The following PSMD11 variants were observed in gnomAD, a reference collection of about 807,000 sequenced individuals.
The protein encoded by PSMD11 is proteasome 26S subunit, non-ATPase 11, also known as 26S proteasome non-ATPase regulatory subunit 11.
PSMD11 carries 5 observed loss-of-function variants against 62.3 expected under a neutral mutation model. That is an observed-to-expected ratio of 0.08 (90% CI 0.04 to 0.17). The LOEUF is 0.17. Among genes scored for constraint, PSMD11 ranks in the 10% least tolerant of loss-of-function variants. The pLI, the probability that PSMD11 is intolerant of heterozygous loss-of-function variation, is 1.00. For missense variants in PSMD11, 310 were observed against 512.9 expected, an observed-to-expected ratio of 0.60 and a Z score of 3.82; for synonymous variants, 191 against 191.8, an observed-to-expected ratio of 1.00 and a Z score of 0.03.
intron 3 of PSMD11, among the ~76,000 whole-genome samples, chr17:32,462,310 T>C (rs1299413343): frequency 6.6e-6 from 1 of 152,250 alleles, no homozygotes; most frequent in Non-Finnish European, 1.5e-5. Context: ...TTATATTTCC[T>C]TTGCTAAGAC....
chr17:32,461,844 G>A lies in PSMD11; in HGVS notation c.319-2205G>A, dbSNP rs934279015. On this transcript the variant is annotated intron_variant, in intron 3 of 13. Transcript: ENST00000261712. ...TAGCTTGCTTTTATTTTAGTTTTTCGTTCTGTCTTATTTTTAGAAAATTTT... is the reference window on the plus strand; with the variant it reads ...TAGCTTGCTTTTATTTTAGTTTTTCATTCTGTCTTATTTTTAGAAAATTTT... Among the ~76,000 whole-genome samples the A allele has an allele frequency of 9.2e-5, 14 of 152,138 alleles. No individual in the cohort carries two copies. In the East Asian group the frequency reaches 2.3e-3, roughly 25 times the overall value.
rs200240721 is a variant in PSMD11, at chr17:32,480,151, C to T, written c.1080C>T (p.Asp360=). 1.0e-4 allele frequency: 165 copies of T among 1,613,468 alleles called. 2 individuals carry two copies. The South Asian group carries it at 1.6e-3, about 15-fold the overall frequency. Residue 360 remains aspartate (D), a synonymous_variant, in exon 12 of 14, where the codon GAC becomes GAT. Transcript: ENST00000261712. ...ATCATGTGCTTTGATTTTAGGCCGA[C>T]GTGGAAAGGAAATTATCACAGATGA... The part of the protein sequence containing the change: ...ISSLIKLSKA[D]VERKLSQMIL...
chr17:32,479,266 C>G lies in PSMD11; in HGVS notation c.928C>G (p.Arg310Gly). Residue 310 changes from arginine to glycine, a missense_variant, in exon 10 of 14, where the codon CGG becomes GGG. Physicochemically the swap from Arg to Gly is moderately radical, Grantham distance 125. Transcript: ENST00000261712. The part of the protein sequence containing the change: ...ADFEKALTDY[R>G]AELRDDPIIS... ...CCTTTGGCAGGCTCTGACAGATTAC[C>G]GGGCAGAGCTCCGGGATGACCCAAT... 6.2e-7 allele frequency: 1 copy of G among 1,613,992 alleles called. No homozygotes were observed. Among genetic ancestry groups the G allele is most frequent in the South Asian group, 1.1e-5 (1 of 91,060 alleles).
At position 32,481,661 on chromosome 17, in the gene PSMD11, C is replaced by T. The variant is rs1483028709; in HGVS notation, c.*909C>T. 1 of 152,238 alleles carries T rather than the reference C, an allele frequency of 6.6e-6. No homozygotes were observed. Among genetic ancestry groups the T allele is most frequent in the East Asian group, 1.9e-4 (1 of 5,192 alleles). The allele number at this position is 152,238 out of a possible 1,614,324, so 9.4% of individuals were successfully genotyped here. On this transcript the variant is annotated 3_prime_UTR_variant, in exon 14 of 14. Coordinates refer to ENST00000261712, the MANE Select transcript of PSMD11 (RefSeq NM_002815.4). ...GACCATCATGTCTCTCTGCCTTCCT[C>T]CTCTCCCCTCCAGGGGAGTCAGGCT...
At chr17:32,471,673 A>G (rs1454322779) in intron 6 of PSMD11, among the ~76,000 whole-genome samples, 1 of 152,182 alleles carries the variant, frequency 6.6e-6, no homozygotes, top group Non-Finnish European at 1.5e-5. Context: ...TGTGGCTCCA[A>G]AAGATAGCAG....
intron 3 of PSMD11, 30 bp from the exon 4 acceptor site, chr17:32,464,019 T>A: frequency 6.3e-7 from 1 of 1,594,504 alleles, no homozygotes; most frequent in Non-Finnish European, 8.6e-7. Context: ...GAGGACATAA[T>A]GTTGCATGTA....
At chr17:32,456,114 A>T (rs907349059) in intron 3 of PSMD11, among the ~76,000 whole-genome samples, 1 of 147,796 alleles carries the variant, frequency 6.8e-6, no homozygotes, top group Non-Finnish European at 1.5e-5. Context: ...ATTGCACTCC[A>T]GCCTGGGTGA....
chr17:32,464,922 G>A (rs573596924), intron 5 of PSMD11, among the ~76,000 whole-genome samples: 5 of 152,142 alleles, frequency 3.3e-5, no homozygotes, highest in Admixed American at 3.3e-4. Context: ...GTTTTTAAAG[G>A]CAAATGTTTG....
intron 1 of PSMD11, chr17:32,445,825 A>G (rs1405593295): frequency 6.6e-6 from 1 of 152,246 alleles, no homozygotes; most frequent in African/African-American, 2.4e-5. Context: ...CTAGAGAAGG[A>G]GAGGAAGTGG....
intron 5 of PSMD11, among the ~76,000 whole-genome samples, chr17:32,464,871 C>T (rs35225085): frequency 0.038 from 5,760 of 152,164 alleles, 137 homozygotes; most frequent in Non-Finnish European, 0.06. Context: ...AAAAGTGTAT[C>T]TATATTTTGC....
chr17:32,459,138 A>ATG (rs1555616133), intron 3 of PSMD11, among the ~76,000 whole-genome samples: 6 of 132,828 alleles, frequency 4.5e-5, no homozygotes, highest in African/African-American at 1.7e-4. Flanking sequence ...ATATATATAT[A>ATG]TGTATTTTTT....
At chr17:32,455,333 T>C (rs1476884515) in intron 3 of PSMD11, among the ~76,000 whole-genome samples, 2 of 152,228 alleles carry the variant, frequency 1.3e-5, no homozygotes, top group East Asian at 1.9e-4. Flanking sequence ...ATTGAGTGCC[T>C]GCTACGTGTT....
At chr17:32,462,758 C>A (rs1907878480) in intron 3 of PSMD11, among the ~76,000 whole-genome samples, 1 of 152,106 alleles carries the variant, frequency 6.6e-6, no homozygotes, top group African/African-American at 2.4e-5. Context: ...GCGATCTCGG[C>A]TCACCGCAAC....
At chr17:32,462,091 T>C (rs913827100) in intron 3 of PSMD11, among the ~76,000 whole-genome samples, 3 of 152,246 alleles carry the variant, frequency 2.0e-5, no homozygotes, top group Non-Finnish European at 2.9e-5. Flanking sequence ...ATACTTTCAA[T>C]GACCAAGCTC....
chr17:32,458,552 G>A (rs777169417), intron 3 of PSMD11, among the ~76,000 whole-genome samples: 1 of 152,096 alleles, frequency 6.6e-6, no homozygotes, highest in Admixed American at 6.6e-5. Context: ...TGAGTATTCT[G>A]CCTTGTATGA....
chr17:32,479,917 G>A (rs1908438969), intron 11 of PSMD11, 31 bp downstream of exon 11: 1 of 1,606,908 alleles, frequency 6.2e-7, no homozygotes, highest in Non-Finnish European at 8.5e-7. Context: ...CTGCAGGGAG[G>A]AATGGGACGG....
At chr17:32,446,820 T>TTA in intron 1 of PSMD11, 125 bp from the exon 2 acceptor site, 2 of 470,994 alleles carry the variant, frequency 4.2e-6, no homozygotes. Flanking sequence ...TTTTTTTTTT[T>TTA]AACTCTAGAA....
At chr17:32,468,731 T>G (rs1597839118) in intron 5 of PSMD11, among the ~76,000 whole-genome samples, 1 of 152,198 alleles carries the variant, frequency 6.6e-6, no homozygotes, top group Non-Finnish European at 1.5e-5. Flanking sequence ...AGATTCCCAC[T>G]GTATTTAAAT....
chr17:32,473,278 C>T (rs1295355962), intron 6 of PSMD11, among the ~76,000 whole-genome samples: 4 of 150,590 alleles, frequency 2.7e-5, no homozygotes, highest in Admixed American at 6.6e-5. Context: ...ACCCCTGCAC[C>T]TGGCTTTTTT....
Sources: gnomAD v4.1 joint callset for allele counts (sites outside exome capture counted in the v4.1 genomes callset) on GRCh38, gnomAD v4.1.1 for gene constraint, MANE v1.5 for transcripts, NCBI Gene and HGNC (gene_info 2026-07-23, HGNC 2026-07-21) for gene names.